NAA11: variants seen among roughly 807,000 people sequenced by gnomAD.
The protein encoded by NAA11 is N-alpha-acetyltransferase 11, NatA catalytic subunit, also known as N-alpha-acetyltransferase 11.
NAA11 carries 15 observed loss-of-function variants against 16.1 expected under a neutral mutation model. The observed-to-expected ratio is 0.93, with a 90% CI of 0.62 to 1.44. The LOEUF is 1.44. Among genes scored for constraint, NAA11 ranks in the 40% most tolerant of loss-of-function variants. The probability of loss-of-function intolerance (pLI) is 0.00; values close to 1 mark genes in which losing one functional copy is unlikely to be tolerated. For missense variants in NAA11, 298 were observed against 291.3 expected (o/e 1.02, Z -0.17); for synonymous variants, 122 against 112.4 (o/e 1.09, Z -0.54).
At chr4:79,308,173 A>C (rs1383694354) in intron 1 of NAA11, 2 of 152,226 alleles carry the variant, frequency 1.3e-5, no homozygotes, top group Non-Finnish European at 2.9e-5. Context: ...ATTATTGTGC[A>C]TTGTAGTGTG....
chr4:79,204,912 T>C, the NAA11 span, among the ~76,000 whole-genome samples: 3 of 136,548 alleles, frequency 2.2e-5, no homozygotes, highest in Non-Finnish European at 4.6e-5. Flanking sequence ...TTATGGCTAA[T>C]ATTCCATGGT....
rs369288137 is a variant in NAA11 at position 79,235,395 on chromosome 4, G to GA, written c.*123-9126dup. Among the ~76,000 whole-genome samples the GA allele has an allele frequency of 3.8e-4, 58 of 150,730 alleles. No individual in the cohort carries two copies. In the South Asian group the frequency reaches 6.3e-3, roughly 16 times the overall value. On this transcript the variant is annotated intron_variant and NMD_transcript_variant, in intron 2 of 2. Coordinates refer to the NAA11 transcript ENST00000511542. ...GAACGAAAACAGCTTCAGCTTGAAA[G>GA]AAAAAAAAATTCAGAATCCAATCTA...
intron 2 of NAA11, among the ~76,000 whole-genome samples, chr4:79,228,500 C>G (rs1318763037): frequency 6.6e-6 from 1 of 151,892 alleles, no homozygotes; most frequent in African/African-American, 2.4e-5. Context: ...CATACCTTCC[C>G]TCACCCACTT....
At chr4:79,318,345 CATCAGGTAAGAGGAAGTAGGTAATTAT>C (rs1723989168) in intron 1 of NAA11, among the ~76,000 whole-genome samples, 1 of 152,124 alleles carries the variant, frequency 6.6e-6, no homozygotes, top group African/African-American at 2.4e-5. Context: ...GCCCTAATTA[CATCAGGTAAGAGGAAGTAGGTAATTAT>C]ATCAGGTAAG....
the NAA11 span, among the ~76,000 whole-genome samples, chr4:79,200,102 G>C: frequency 1.3e-5 from 2 of 151,824 alleles, no homozygotes; most frequent in Non-Finnish European, 2.9e-5. Context: ...CATAGATCAT[G>C]GTTAAGGATG....
exon 3 of NAA11, chr4:79,225,775 T>G (rs886727058): frequency 3.3e-5 from 5 of 152,054 alleles, no homozygotes; most frequent in African/African-American, 1.2e-4. Context: ...TTTCCAAATC[T>G]GCAGGGGAAT....
At chr4:79,320,440 G>A (rs1724058140) in intron 1 of NAA11, among the ~76,000 whole-genome samples, 1 of 152,130 alleles carries the variant, frequency 6.6e-6, no homozygotes, top group African/African-American at 2.4e-5. Flanking sequence ...TACATAGATT[G>A]ACTCATTTAA....
chr4:79,181,143 G>C, the NAA11 span, among the ~76,000 whole-genome samples: 1 of 151,828 alleles, frequency 6.6e-6, no homozygotes, highest in Admixed American at 6.6e-5. Flanking sequence ...ACGAGTTAAT[G>C]GGTGCAGCAC....
chr4:79,202,755 A>G, the NAA11 span, among the ~76,000 whole-genome samples: 1 of 148,742 alleles, frequency 6.7e-6, no homozygotes, highest in Non-Finnish European at 1.5e-5. Context: ...ATGTATTTTC[A>G]TTGCATTGTT....
chr4:79,273,219 T>G (rs1362107666), intron 2 of NAA11, among the ~76,000 whole-genome samples: 1 of 151,896 alleles, frequency 6.6e-6, no homozygotes, highest in East Asian at 1.9e-4. Context: ...AGGCAGGAAT[T>G]GATGGTGGGC....
chr4:79,310,152 C>T (rs1236540395), intron 1 of NAA11, among the ~76,000 whole-genome samples: 3 of 152,030 alleles, frequency 2.0e-5, no homozygotes, highest in African/African-American at 7.2e-5. Context: ...CATTCAGAGA[C>T]AAATTAGAGA....
At chr4:79,157,214 T>C in the NAA11 span, among the ~76,000 whole-genome samples, 1 of 152,172 alleles carries the variant, frequency 6.6e-6, no homozygotes, top group African/African-American at 2.4e-5. Context: ...CCAAGCAGTA[T>C]ACACTGAACC....
At chr4:79,230,273 G>A (rs1021836505) in intron 2 of NAA11, among the ~76,000 whole-genome samples, 1 of 151,574 alleles carries the variant, frequency 6.6e-6, no homozygotes, top group African/African-American at 2.4e-5. Flanking sequence ...GGGGACTGTT[G>A]TGGGGTGGGG....
chr4:79,207,831 C>G, the NAA11 span, among the ~76,000 whole-genome samples: 1 of 151,832 alleles, frequency 6.6e-6, no homozygotes, highest in Non-Finnish European at 1.5e-5. Flanking sequence ...GAACATTGTT[C>G]TTCATTTAAA....
At chr4:79,215,444 A>G in the NAA11 span, among the ~76,000 whole-genome samples, 1 of 152,174 alleles carries the variant, frequency 6.6e-6, no homozygotes, top group Non-Finnish European at 1.5e-5. Flanking sequence ...CCCCCCTAAA[A>G]AGAAGATGTC....
chr4:79,271,704 G>A (rs942347704), intron 2 of NAA11, among the ~76,000 whole-genome samples: 1 of 152,032 alleles, frequency 6.6e-6, no homozygotes, highest in Non-Finnish European at 1.5e-5. Context: ...CAATGTTTAA[G>A]TAATGTTGAA....
chr4:79,296,067 C>A (rs1723213171), intron 1 of NAA11, among the ~76,000 whole-genome samples: 1 of 152,140 alleles, frequency 6.6e-6, no homozygotes, highest in East Asian at 1.9e-4. Context: ...GTCTTACTTT[C>A]ACTAAACCAA....
chr4:79,305,152 C>A (rs1029475019), intron 1 of NAA11: 5 of 152,166 alleles, frequency 3.3e-5, no homozygotes, highest in African/African-American at 1.2e-4. Context: ...TGACCCATGT[C>A]TTTTCTGAAT....
At chr4:79,284,336 A>C (rs957375025) in intron 2 of NAA11, among the ~76,000 whole-genome samples, 3 of 152,106 alleles carry the variant, frequency 2.0e-5, no homozygotes, top group Admixed American at 2.0e-4. Context: ...AATCAGTATA[A>C]AGGAGTCTCA....
Sources: gnomAD v4.1 joint callset for allele counts (sites outside exome capture counted in the v4.1 genomes callset) on GRCh38, gnomAD v4.1.1 for gene constraint, MANE v1.5 for transcripts, NCBI Gene and HGNC (gene_info 2026-07-23, HGNC 2026-07-21) for gene names.